Variants in EIF4E observed in about 807,000 individuals in gnomAD.
EIF4E encodes the protein eIF-4F 25 kDa subunit.
For missense variants in EIF4E, 113 were observed against 265.6 expected (o/e 0.43, Z 3.99); for synonymous variants, 71 against 88.5 (o/e 0.80, Z 1.11).
chr4:98,913,007 G>A (rs1392644982), intron 1 of EIF4E, among the ~76,000 whole-genome samples: 1 of 152,118 alleles, frequency 6.6e-6, no homozygotes, highest in Non-Finnish European at 1.5e-5. Context: ...AGGTGTTCGA[G>A]ACCAGCCTGG....
At chr4:98,919,464 C>G (rs1725553036) in intron 1 of EIF4E, among the ~76,000 whole-genome samples, 1 of 151,634 alleles carries the variant, frequency 6.6e-6, no homozygotes, top group African/African-American at 2.4e-5. Context: ...TGTATCTAAC[C>G]AAACTGGACA....
At chr4:98,893,046 C>T in intron 2 of EIF4E, among the ~76,000 whole-genome samples, 1 of 152,114 alleles carries the variant, frequency 6.6e-6, no homozygotes. Flanking sequence ...AAGGAACTAT[C>T]TTTAAGGAGA....
intron 1 of EIF4E, among the ~76,000 whole-genome samples, chr4:98,919,684 G>A (rs1365673469): frequency 6.6e-6 from 1 of 150,412 alleles, no homozygotes; most frequent in Non-Finnish European, 1.5e-5. Flanking sequence ...TCAGCCTCCC[G>A]AGTAGCTGGG....
chr4:98,918,066 A>G (rs1213737761), intron 1 of EIF4E, among the ~76,000 whole-genome samples: 3 of 150,750 alleles, frequency 2.0e-5, no homozygotes, highest in Admixed American at 2.0e-4. Flanking sequence ...ACCCTGTCTC[A>G]AAAAAATTTT....
chr4:98,888,778 T>A (rs576491107), intron 3 of EIF4E, among the ~76,000 whole-genome samples: 4 of 152,326 alleles, frequency 2.6e-5, no homozygotes, highest in Non-Finnish European at 2.9e-5. Context: ...AATAATGATC[T>A]TAGCTGTGTC....
intron 3 of EIF4E, 59 bp downstream of exon 3, chr4:98,891,178 A>C: frequency 6.3e-7 from 1 of 1,580,544 alleles, no homozygotes; most frequent in Non-Finnish European, 8.7e-7. Flanking sequence ...TCGACTTAAA[A>C]ATAAAAAAAC....
chr4:98,904,065 G>GT (rs1023300562), intron 1 of EIF4E, among the ~76,000 whole-genome samples: 4 of 152,128 alleles, frequency 2.6e-5, no homozygotes, highest in African/African-American at 7.2e-5. Context: ...TCCCTCACAG[G>GT]TTTTTGGCTA....
intron 3 of EIF4E, 83 bp from the exon 4 acceptor site, chr4:98,888,035 TATG>T (rs1723996098): frequency 8.6e-7 from 1 of 1,165,356 alleles, no homozygotes; most frequent in Non-Finnish European, 1.2e-6. Flanking sequence ...ATTTAGAACA[TATG>T]ATGAAAATAA....
intron 1 of EIF4E, chr4:98,903,425 T>TC (rs1482362748): frequency 4.4e-6 from 2 of 455,082 alleles, no homozygotes; most frequent in Admixed American, 4.7e-5. Context: ...CACTGCAGCC[T>TC]CAATCTCCCT....
Position 98,901,898 on chromosome 4 carries a change from T to C in EIF4E, c.103A>G (p.Ile35Val). 1.2e-6 allele frequency: 2 copies of C among 1,612,318 alleles called. No individual in the cohort carries two copies. Among genetic ancestry groups the C allele is most frequent in the South Asian group, 1.1e-5 (1 of 91,004 alleles). Residue 35 changes from isoleucine to valine, a missense_variant, in exon 2 of 7, where the codon ATT becomes GTT. By Grantham distance (29) the Ile-to-Val change is conservative. Transcript: ENST00000450253. ...NQEVANPEHY[I>V]KHPLQNRWAL... ...TACCTGTTCTGTAGGGGATGTTTAA[T>C]ATAGTGTTCTGGGTTAGCAACCTCC...
Position 98,901,920 on chromosome 4 carries a change from C to T in EIF4E, c.81G>A (p.Glu27=). The T allele has an allele frequency of 6.2e-7, 1 of 1,612,778 alleles. No homozygotes were observed. The highest frequency in any genetic ancestry group is 8.5e-7 in the Non-Finnish European group (1 of 1,179,880). Residue 27 remains glutamate, a synonymous_variant, in exon 2 of 7, where the codon GAG becomes GAA. Transcript: ENST00000450253. The part of the protein sequence containing the change: ...TEEEKTESNQ[E]VANPEHYIKH... ...TAATATAGTGTTCTGGGTTAGCAACCTCCTGATTAGATTCCGTTTTCTCCT... is the reference window on the plus strand; with the variant it reads ...TAATATAGTGTTCTGGGTTAGCAACTTCCTGATTAGATTCCGTTTTCTCCT...
chr4:98,887,205 A>G lies in EIF4E; in HGVS notation c.286-13T>C. The G allele has an allele frequency of 6.2e-7, 1 of 1,611,648 alleles. No individual in the cohort carries two copies. The highest frequency in any genetic ancestry group is 8.5e-7 in the Non-Finnish European group (1 of 1,177,794). ...GCTCAATACCATCCTACAGGGTTAG[A>G]AGACAACAGTATTACACAACATTGT... On this transcript the variant is annotated splice_polypyrimidine_tract_variant and intron_variant, in intron 4 of 6. Coordinates refer to ENST00000450253, the MANE Select transcript of EIF4E (RefSeq NM_001968.5). This position sits in a 1 kb window ranked among gnomAD's most constrained non-coding sequence, Gnocchi z 4.0.
intron 1 of EIF4E, among the ~76,000 whole-genome samples, chr4:98,908,056 TC>T (rs1724954111): frequency 6.6e-6 from 1 of 152,126 alleles, no homozygotes; most frequent in African/African-American, 2.4e-5. Flanking sequence ...AACATTCATA[TC>T]CCAGTAATAT....
rs541272082 is a variant in EIF4E, at chr4:98,913,617, A to G, written c.19-11635T>C. On this transcript the variant is annotated intron_variant, in intron 1 of 6. Coordinates refer to ENST00000450253, the MANE Select transcript of EIF4E (RefSeq NM_001968.5). Reference sequence around the variant, plus strand: ...CACCACACCTGCCTTTTTATGTACCAAGGTTTTAAAATCACCTTTCAAAAG... The same window carrying G: ...CACCACACCTGCCTTTTTATGTACCGAGGTTTTAAAATCACCTTTCAAAAG... 1.1e-4 allele frequency among the ~76,000 whole-genome samples: 17 copies of G among 152,294 alleles called. No homozygotes were observed. The East Asian group carries it at 3.1e-3, about 28-fold the overall frequency.
intron 2 of EIF4E, among the ~76,000 whole-genome samples, chr4:98,895,952 C>G (rs1167481717): frequency 2.6e-5 from 4 of 152,172 alleles, no homozygotes; most frequent in Non-Finnish European, 4.4e-5. Context: ...AATCCCAGCA[C>G]TTTGGGAGGC....
At chr4:98,894,726 T>C (rs760024239) in intron 2 of EIF4E, among the ~76,000 whole-genome samples, 4 of 152,226 alleles carry the variant, frequency 2.6e-5, no homozygotes, top group Admixed American at 6.5e-5. Context: ...TTATCATTCA[T>C]GTGTTTGCTG....
chr4:98,902,699 G>A (rs780205685), intron 1 of EIF4E, among the ~76,000 whole-genome samples: 1 of 152,094 alleles, frequency 6.6e-6, no homozygotes, highest in Non-Finnish European at 1.5e-5. Context: ...AGTTTCAAGA[G>A]TATAACAACT....
At chr4:98,912,573 A>C (rs1419522053) in intron 1 of EIF4E, among the ~76,000 whole-genome samples, 2 of 145,850 alleles carry the variant, frequency 1.4e-5, no homozygotes, top group African/African-American at 5.2e-5. Context: ...ACTCCATCTC[A>C]AAAAAAAAAC....
chr4:98,911,561 T>G (rs1725136223), intron 1 of EIF4E, among the ~76,000 whole-genome samples: 1 of 146,376 alleles, frequency 6.8e-6, no homozygotes, highest in South Asian at 2.1e-4. Flanking sequence ...CTCGGGAAGC[T>G]GAGGCAGGAG....
Sources: gnomAD v4.1 joint callset for allele counts (sites outside exome capture counted in the v4.1 genomes callset) on GRCh38, gnomAD v4.1.1 for gene constraint, Gnocchi (gnomAD v3.1) non-coding constraint, MANE v1.5 for transcripts, NCBI Gene and HGNC (gene_info 2026-07-23, HGNC 2026-07-21) for gene names.